Variants in C2CD5 observed in about 807,000 individuals in gnomAD.
C2CD5 encodes C2 calcium dependent domain containing 5.
Under a neutral mutation model 130.3 loss-of-function variants are expected in C2CD5, and 109 were observed. The ratio of observed to expected loss-of-function variants is 0.84; its 90% CI spans 0.72 to 0.98. C2CD5 has a LOEUF of 0.98. Ranked by LOEUF, C2CD5 falls within the 50% of genes least tolerant of loss-of-function variation. The probability of loss-of-function intolerance (pLI) is 0.00; values close to 1 mark genes in which losing one functional copy is unlikely to be tolerated. For synonymous variants in C2CD5, 454 were observed against 429.2 expected (o/e 1.06, Z -0.71); for missense variants, 996 against 1,261.8 (o/e 0.79, Z 3.19).
intron 15 of C2CD5, chr12:22,478,040 C>T (rs181953494): frequency 5.8e-5 from 23 of 396,068 alleles, no homozygotes; most frequent in African/African-American, 4.7e-4. Flanking sequence ...CACACACACA[C>T]ACACTCACAA....
chr12:22,513,762 T>C (rs185168749), intron 8 of C2CD5, among the ~76,000 whole-genome samples: 42 of 152,246 alleles, frequency 2.8e-4, no homozygotes, highest in African/African-American at 9.4e-4. Context: ...AAATATAAAA[T>C]GTCTGATTAA....
rs550636378 is a variant in C2CD5, at chr12:22,482,260, C to T, written c.1737+297G>A. Among the ~76,000 whole-genome samples, 4 of 152,242 alleles carry T rather than the reference C, an allele frequency of 2.6e-5. No individual in the cohort carries two copies. In the South Asian group the frequency reaches 8.3e-4, roughly 32 times the overall value. ...TGCCCTAGTACTGAGATGGAGGAAC[C>T]CTGTTTTAGCAATATGTAAACAATA... On this transcript the variant is annotated intron_variant, in intron 14 of 26. Coordinates refer to ENST00000446597, the MANE Select transcript of C2CD5 (RefSeq NM_001286176.2).
At chr12:22,526,162 A>G (rs1202339922) in intron 4 of C2CD5, among the ~76,000 whole-genome samples, 1 of 152,098 alleles carries the variant, frequency 6.6e-6, no homozygotes, top group African/African-American at 2.4e-5. Context: ...GTTTCTGTAT[A>G]TTTTCTGAAG....
At chr12:22,497,597 C>T in intron 10 of C2CD5, 2 of 970,846 alleles carry the variant, frequency 2.1e-6, no homozygotes, top group Non-Finnish European at 2.4e-6. Flanking sequence ...AACATTCCAA[C>T]TGCTAACCTC....
chr12:22,465,946 A>G (rs1941998758), intron 22 of C2CD5, among the ~76,000 whole-genome samples: 1 of 152,132 alleles, frequency 6.6e-6, no homozygotes, highest in Non-Finnish European at 1.5e-5. Flanking sequence ...CATAAATTTG[A>G]GACATACATC....
Position 22,490,146 on chromosome 12 carries a change from G to T in C2CD5, c.1335C>A (p.Thr445=), listed in dbSNP as rs773479631. 3.7e-6 allele frequency: 6 copies of T among 1,613,420 alleles called. No individual in the cohort carries two copies. The highest frequency in any genetic ancestry group is 1.3e-5 in the African/African-American group (1 of 75,002). ...VLNPRFLQDG[T]VEGCLEQRLE... ...ACCTCTGTTCCAAACAGCCTTCCAC[G>T]GTGCCATCCTGCAGAAATCTAGGAT... The change falls in exon 12 of 27, where the codon ACC becomes ACA. Residue 445 remains threonine (T), a synonymous_variant. Coordinates refer to ENST00000446597, the MANE Select transcript of C2CD5 (RefSeq NM_001286176.2).
At chr12:22,487,386 G>C (rs569397084) in intron 12 of C2CD5, among the ~76,000 whole-genome samples, 5 of 152,286 alleles carry the variant, frequency 3.3e-5, no homozygotes, top group African/African-American at 9.6e-5. Context: ...CAAAAAGTAG[G>C]TGAAGGATAT....
intron 22 of C2CD5, among the ~76,000 whole-genome samples, chr12:22,461,011 C>A (rs1941035116): frequency 6.6e-6 from 1 of 152,176 alleles, no homozygotes; most frequent in Non-Finnish European, 1.5e-5. Context: ...CCCTGACCAT[C>A]ATGCTCACTG....
At chr12:22,492,590 C>T (rs560494023) in intron 11 of C2CD5, among the ~76,000 whole-genome samples, 6 of 151,888 alleles carry the variant, frequency 4.0e-5, no homozygotes, top group Admixed American at 6.6e-5. Context: ...GAGAGAGCAG[C>T]GAAGTAACTA....
intron 23 of C2CD5, among the ~76,000 whole-genome samples, chr12:22,459,058 T>C (rs1418969896): frequency 6.6e-6 from 1 of 152,214 alleles, no homozygotes; most frequent in African/African-American, 2.4e-5. Flanking sequence ...AGTTGACTTA[T>C]CTGTTATTAA....
chr12:22,484,607 G>C, intron 13 of C2CD5, 90 bp downstream of exon 13: 1 of 611,738 alleles, frequency 1.6e-6, no homozygotes, highest in Non-Finnish European at 2.7e-6. Context: ...AAACAGGTAG[G>C]AAACAGTAAA....
At chr12:22,491,584 A>C (rs753822826) in intron 11 of C2CD5, among the ~76,000 whole-genome samples, 1 of 152,014 alleles carries the variant, frequency 6.6e-6, no homozygotes, top group Non-Finnish European at 1.5e-5. Flanking sequence ...TTCTAAAACC[A>C]TATCTCTGGC....
chr12:22,487,746 T>C (rs1339496883), intron 12 of C2CD5, among the ~76,000 whole-genome samples: 8 of 151,990 alleles, frequency 5.3e-5, no homozygotes, highest in Non-Finnish European at 1.2e-4. Context: ...TAAAGACACA[T>C]GCACACGTAT....
rs748271464 is a variant in C2CD5 at position 22,523,454 on chromosome 12, A to G, written c.772T>C (p.Cys258Arg). 1 of 1,613,934 alleles carries G rather than the reference A, an allele frequency of 6.2e-7. No homozygotes were observed. Among genetic ancestry groups the G allele is most frequent in the East Asian group, 2.2e-5 (1 of 44,870 alleles). The change falls in exon 7 of 27, where the codon TGT (cysteine) becomes CGT (arginine). Residue 258 changes from cysteine (C) to arginine (R), a missense_variant. This residue lies in a region of C2CD5 where 156 missense variants were observed against 165.9 expected (regional missense o/e 0.94). Coordinates refer to ENST00000446597, the MANE Select transcript of C2CD5 (RefSeq NM_001286176.2). ...LSSPAAFLPA[C>R]NSPSKEMKEI... ...TTCATTTCTTTGGATGGGGAATTAC[A>G]TGCAGGAAGGAATGCTGCTGGGCTA...
Position 22,524,616 on chromosome 12 carries a change from G to A in C2CD5, c.457C>T (p.Pro153Ser), listed in dbSNP as rs756589330. The A allele has an allele frequency of 6.2e-7, 1 of 1,610,136 alleles. No individual in the cohort carries two copies. The highest frequency in any genetic ancestry group is 1.1e-5 in the South Asian group (1 of 90,198). Residue 153 changes from proline (P) to serine (S), a missense_variant, in exon 6 of 27, where the codon CCA becomes TCA. By Grantham distance (74) the Pro-to-Ser change is moderately conservative (BLOSUM62 -1). Coordinates refer to ENST00000446597, the MANE Select transcript of C2CD5 (RefSeq NM_001286176.2). ...ATTATCACAGCTCTATAGCATTTTGGAATAGACGTTGCTGTTAAAACAAAT... is the reference window on the plus strand; with the variant it reads ...ATTATCACAGCTCTATAGCATTTTGAAATAGACGTTGCTGTTAAAACAAAT... Reference protein sequence around the residue: ...GVKFFCTTSIPKCYRAVIIHG... With the variant: ...GVKFFCTTSISKCYRAVIIHG...
intron 14 of C2CD5, among the ~76,000 whole-genome samples, chr12:22,479,654 CAGAGA>C (rs991346836): frequency 6.6e-5 from 10 of 152,104 alleles, no homozygotes; most frequent in East Asian, 1.9e-4. Flanking sequence ...TCCTAATTAG[CAGAGA>C]AAAGTGTTTA....
intron 15 of C2CD5, among the ~76,000 whole-genome samples, chr12:22,475,957 C>G (rs74068590): frequency 6.6e-6 from 1 of 152,162 alleles, no homozygotes; most frequent in South Asian, 2.1e-4. Context: ...AGATACCACA[C>G]TACTTTTTAT....
chr12:22,510,515 T>C (rs931212487), intron 9 of C2CD5, among the ~76,000 whole-genome samples: 4 of 152,222 alleles, frequency 2.6e-5, no homozygotes, highest in Non-Finnish European at 5.9e-5. Context: ...GCTATTTAAA[T>C]AGTTTATTCT....
chr12:22,473,358 C>A (rs908806912), intron 16 of C2CD5, among the ~76,000 whole-genome samples: 4 of 152,168 alleles, frequency 2.6e-5, no homozygotes, highest in Non-Finnish European at 2.9e-5. Flanking sequence ...TCCTAACCTG[C>A]AGACTCGCTA....
Sources: gnomAD v4.1 joint callset for allele counts (sites outside exome capture counted in the v4.1 genomes callset) on GRCh38, gnomAD v4.1.1 for gene constraint, gnomAD v4.1.1 regional missense constraint, MANE v1.5 for transcripts, NCBI Gene and HGNC (gene_info 2026-07-23, HGNC 2026-07-21) for gene names.